Variants in MYO9A observed in about 807,000 individuals in gnomAD.
The protein encoded by MYO9A is unconventional myosin-IXa.
MYO9A carries 103 observed loss-of-function variants against 293.3 expected under a neutral mutation model. The observed-to-expected ratio is 0.35, with a 90% CI of 0.30 to 0.41. The LOEUF (loss-of-function observed/expected upper bound fraction) is 0.41, where lower values mean the gene tolerates loss of function less well. Ranked by LOEUF, MYO9A falls within the 10% of genes least tolerant of loss-of-function variation. The probability of loss-of-function intolerance (pLI) is 1.00; values close to 1 mark genes in which losing one functional copy is unlikely to be tolerated. For missense variants in MYO9A, 2,685 were observed against 3,033.0 expected (o/e 0.89, Z 2.69); for synonymous variants, 1,001 against 1,035.7 (o/e 0.97, Z 0.64).
chr15:72,094,206 CAAAAGAA>C (rs1208607726), intron 1 of MYO9A, among the ~76,000 whole-genome samples: 1 of 80,310 alleles, frequency 1.2e-5, no homozygotes, highest in East Asian at 2.6e-4. Flanking sequence ...AAGAACTTGT[CAAAAGAA>C]GAAAGAAGAA....
At chr15:71,976,834 T>C (rs1030704120) in intron 12 of MYO9A, among the ~76,000 whole-genome samples, 2 of 152,262 alleles carry the variant, frequency 1.3e-5, no homozygotes, top group Non-Finnish European at 2.9e-5. Context: ...GTTAGCAGTC[T>C]TCTTTCTGTT....
At chr15:72,042,015 TAAA>T (rs61163353) in intron 2 of MYO9A, among the ~76,000 whole-genome samples, 1 of 131,898 alleles carries the variant, frequency 7.6e-6, no homozygotes. Flanking sequence ...ACACTGACAG[TAAA>T]AAAAAAAAAA....
chr15:71,908,189 T>C (rs912210722), intron 19 of MYO9A, among the ~76,000 whole-genome samples: 4 of 152,232 alleles, frequency 2.6e-5, no homozygotes, highest in African/African-American at 7.2e-5. Context: ...CAGCACCATT[T>C]ATTAAATAGG....
intron 39 of MYO9A, among the ~76,000 whole-genome samples, chr15:71,831,195 G>A (rs974719948): frequency 2.0e-5 from 3 of 152,110 alleles, no homozygotes; most frequent in African/African-American, 7.2e-5. Flanking sequence ...TCTAAACAGA[G>A]CTTTTGACAT....
At chr15:72,017,161 C>T (rs1370947137) in intron 6 of MYO9A, among the ~76,000 whole-genome samples, 2 of 152,066 alleles carry the variant, frequency 1.3e-5, no homozygotes, top group East Asian at 1.9e-4. Context: ...GCTGGAACTA[C>T]AGGCGTGTAT....
chr15:72,101,579 C>G (rs1396192411), intron 1 of MYO9A, among the ~76,000 whole-genome samples: 5 of 135,032 alleles, frequency 3.7e-5, no homozygotes. Context: ...TCTGCCCGGC[C>G]GCCCCTACTG....
rs2078377620 is a variant in MYO9A, at chr15:72,046,141, T to G, written c.423A>C (p.Pro141=). ...RRRMMERGFL[P]QPQQKDFDDL... ...CATCAAAGTCTTTCTGTTGAGGCTGTGGAAGAAAACCCCGTTCCATCATCC... is the reference window on the plus strand; with the variant it reads ...CATCAAAGTCTTTCTGTTGAGGCTGGGGAAGAAAACCCCGTTCCATCATCC... The change falls in exon 2 of 42, where the codon CCA becomes CCC. Residue 141 remains proline (P), a synonymous_variant. Coordinates refer to ENST00000356056, the MANE Select transcript of MYO9A (RefSeq NM_006901.4). 6.2e-7 allele frequency: 1 copy of G among 1,614,088 alleles called. No homozygotes were observed. Among genetic ancestry groups the G allele is most frequent in the African/African-American group, 1.3e-5 (1 of 74,940 alleles).
chr15:72,082,736 G>A (rs551126814), intron 1 of MYO9A, among the ~76,000 whole-genome samples: 60 of 151,878 alleles, frequency 4.0e-4, no homozygotes, highest in African/African-American at 1.2e-3. Flanking sequence ...TTTTTAACAC[G>A]AAAGGCTGTT....
chr15:71,894,021 T>C (rs1276979732), intron 25 of MYO9A, among the ~76,000 whole-genome samples: 2 of 152,202 alleles, frequency 1.3e-5, no homozygotes, highest in Admixed American at 1.3e-4. Context: ...ATATGACATA[T>C]GTTTAAGAAT....
At chr15:71,874,401 G>A (rs1443900577) in intron 32 of MYO9A, among the ~76,000 whole-genome samples, 1 of 152,092 alleles carries the variant, frequency 6.6e-6, no homozygotes, top group East Asian at 1.9e-4. Context: ...AGTGATGGCA[G>A]CAAATGTAGC....
rs376311869 is a variant in MYO9A, at chr15:72,027,739, A to G, written c.990T>C (p.His330=). The G allele has an allele frequency of 6.2e-7, 1 of 1,606,460 alleles. No homozygotes were observed. Among genetic ancestry groups the G allele is most frequent in the Non-Finnish European group, 8.5e-7 (1 of 1,176,586 alleles). Residue 330 remains histidine (H), a synonymous_variant, in exon 4 of 42, where the codon CAT becomes CAC. Transcript: ENST00000356056. ...LEKSRLVYQE[H]NERNYHVFYY... is the part of the protein sequence containing the mutation. ...CAAATAAAAATACGTACCGTTCATT[A>G]TGCTCCTGATAAACGAGTCTGGACT...
intron 33 of MYO9A, among the ~76,000 whole-genome samples, chr15:71,860,993 A>AAAAAAAAAAAAAAAAAAAAG (rs2056098387): frequency 6.7e-6 from 1 of 150,234 alleles, no homozygotes; most frequent in African/African-American, 2.4e-5. Context: ...AAAAAAAAAA[A>AAAAAAAAAAAAAAAAAAAAG]ATCAAACCAG....
chr15:71,906,769 T>TTTC (rs2057665082), intron 19 of MYO9A, among the ~76,000 whole-genome samples: 2 of 119,516 alleles, frequency 1.7e-5, no homozygotes, highest in Non-Finnish European at 3.5e-5. Flanking sequence ...TTTTTTTTTT[T>TTTC]TTTTTTTTTC....
chr15:71,916,631 T>A (rs2058020030), intron 18 of MYO9A, 139 bp from the exon 19 acceptor site: 1 of 787,390 alleles, frequency 1.3e-6, no homozygotes, highest in Admixed American at 2.8e-5. Context: ...AAGACTGATA[T>A]CCAACATTCA....
At chr15:71,973,532 T>C (rs1209648175) in intron 12 of MYO9A, among the ~76,000 whole-genome samples, 1 of 152,098 alleles carries the variant, frequency 6.6e-6, no homozygotes, top group African/African-American at 2.4e-5. Context: ...CAGGACGTTA[T>C]TCCCAAGGCA....
At chr15:72,000,049 C>T (rs1327335815) in intron 8 of MYO9A, 109 bp from the exon 9 acceptor site, 3 of 768,988 alleles carry the variant, frequency 3.9e-6, no homozygotes, top group Non-Finnish European at 5.9e-6. Context: ...TTAGCAATTA[C>T]ATAGCAGAGA....
chr15:72,081,784 T>G (rs2079553391), intron 1 of MYO9A, among the ~76,000 whole-genome samples: 1 of 152,210 alleles, frequency 6.6e-6, no homozygotes, highest in Non-Finnish European at 1.5e-5. Context: ...CCAGCACCAT[T>G]TATTGAGGAG....
intron 1 of MYO9A, among the ~76,000 whole-genome samples, chr15:72,074,680 G>A (rs976894734): frequency 1.3e-5 from 2 of 152,054 alleles, no homozygotes; most frequent in Non-Finnish European, 2.9e-5. Context: ...AGGGCAAAGT[G>A]AGATGATCTG....
chr15:71,921,674 AAGT>A (rs2058158635), intron 18 of MYO9A, among the ~76,000 whole-genome samples: 1 of 152,220 alleles, frequency 6.6e-6, no homozygotes, highest in Non-Finnish European at 1.5e-5. Flanking sequence ...AATGAATTAA[AAGT>A]AGTAAGAAGT....
Sources: gnomAD v4.1 joint callset for allele counts (sites outside exome capture counted in the v4.1 genomes callset) on GRCh38, gnomAD v4.1.1 for gene constraint, MANE v1.5 for transcripts, NCBI Gene and HGNC (gene_info 2026-07-23, HGNC 2026-07-21) for gene names.